Variants in NAF1 observed in about 807,000 individuals in gnomAD.
NAF1 encodes nuclear assembly factor 1 ribonucleoprotein.
A neutral mutation model predicts 40.6 loss-of-function variants in NAF1; 11 were observed. The ratio of observed to expected loss-of-function variants is 0.27; its 90% CI spans 0.17 to 0.45. NAF1 has a LOEUF of 0.45. Among genes scored for constraint, NAF1 ranks in the 20% least tolerant of loss-of-function variants. The pLI is 1.00. For synonymous variants in NAF1, 260 were observed against 228.5 expected, an observed-to-expected ratio of 1.14 and a Z score of -1.24; for missense variants, 607 against 611.1, an observed-to-expected ratio of 0.99 and a Z score of 0.07.
downstream of NAF1, among the ~76,000 whole-genome samples, chr4:163,106,324 T>C (rs535334483): frequency 1.3e-5 from 2 of 152,324 alleles, no homozygotes; most frequent in African/African-American, 4.8e-5. Flanking sequence ...ACCAATATGG[T>C]AATGCACTAG....
rs772306842 is a variant in NAF1 at position 163,166,468 on chromosome 4, G to A, written c.260C>T (p.Ala87Val). 8.1e-6 allele frequency: 13 copies of A among 1,604,088 alleles called. No homozygotes were observed. The highest frequency in any genetic ancestry group is 1.0e-5 in the Non-Finnish European group (12 of 1,175,394). ...GTPAPQPQPP[A>V]ESPACGDCVT... is the part of the protein sequence containing the mutation. ...GCAGTCTCCGCAGGCCGGCGATTCA[G>A]CCGGTGGCTGTGGCTGCGGCGCCGG... The change falls in exon 1 of 8, where the codon GCT becomes GTT. Residue 87 changes from alanine to valine, a missense_variant. By Grantham distance (64) the Ala-to-Val change is moderately conservative. Transcript: ENST00000274054.
chr4:163,138,219 A>G (rs1731130044), intron 5 of NAF1, among the ~76,000 whole-genome samples: 1 of 152,110 alleles, frequency 6.6e-6, no homozygotes, highest in Admixed American at 6.5e-5. Context: ...TTTGCTTTAA[A>G]TTTTTGATTC....
chr4:163,133,071 T>C lies in NAF1; in HGVS notation c.1033+83A>G, dbSNP rs1422760258. ...AGGAGGTAAACAGAGAGAACCCAGA[T>C]GTTTCCTTCAGTTTTATTATTGATA... On this transcript the variant is annotated intron_variant, in intron 7 of 7. Coordinates refer to ENST00000274054, the MANE Select transcript of NAF1 (RefSeq NM_138386.3). 5.2e-6 allele frequency: 6 copies of C among 1,143,150 alleles called. No homozygotes were observed. The South Asian group carries it at 8.3e-5, about 16-fold the overall frequency. 70.8% of individuals were successfully genotyped at this position (1,143,150 alleles called of 1,614,324 possible).
At chr4:163,112,719 G>A (rs1170273884) in intron 2 of NAF1, among the ~76,000 whole-genome samples, 3 of 152,204 alleles carry the variant, frequency 2.0e-5, no homozygotes, top group African/African-American at 4.8e-5. Context: ...GAAGAGGGAT[G>A]TGGATGATAC....
chr4:163,159,073 G>A (rs929143022), intron 2 of NAF1, among the ~76,000 whole-genome samples: 2 of 152,038 alleles, frequency 1.3e-5, no homozygotes, highest in African/African-American at 4.8e-5. Flanking sequence ...AACTACTGAG[G>A]AATGGGGGAA....
chr4:163,115,924 A>G (rs556955064), intron 2 of NAF1, among the ~76,000 whole-genome samples: 84 of 152,232 alleles, frequency 5.5e-4, no homozygotes, highest in Non-Finnish European at 1.0e-3. Flanking sequence ...CACAATTTTA[A>G]AAGTAAAACA....
At chr4:163,108,243 T>A (rs1023837628), downstream of NAF1, among the ~76,000 whole-genome samples, 54 of 152,166 alleles carry the variant, frequency 3.5e-4, 2 homozygotes, top group Non-Finnish European at 1.3e-4. Flanking sequence ...TAATTGCTTA[T>A]AGGCAGGGAA....
chr4:163,126,809 C>A, downstream of NAF1: 1 of 907,094 alleles, frequency 1.1e-6, no homozygotes, highest in Non-Finnish European at 1.5e-6. Context: ...GAAACTGCCA[C>A]TTTTAGCAAC....
chr4:163,104,995 A>C, the NAF1 span, among the ~76,000 whole-genome samples: 5 of 152,248 alleles, frequency 3.3e-5, no homozygotes, highest in African/African-American at 1.2e-4. Context: ...TATTAGACTC[A>C]GTACAAATCT....
At chr4:163,148,203 T>C (rs1035518959) in intron 3 of NAF1, 138 bp downstream of exon 3, 3 of 420,204 alleles carry the variant, frequency 7.1e-6, no homozygotes, top group Non-Finnish European at 1.3e-5. Flanking sequence ...AACTGAATTT[T>C]ATCCCTTCAA....
chr4:163,116,861 C>G (rs545018821), intron 2 of NAF1, among the ~76,000 whole-genome samples: 1 of 152,150 alleles, frequency 6.6e-6, no homozygotes, highest in African/African-American at 2.4e-5. Context: ...ATCAATAAAG[C>G]CAAGAGTCAT....
chr4:163,151,730 A>G (rs936348807), intron 2 of NAF1, among the ~76,000 whole-genome samples: 7 of 152,126 alleles, frequency 4.6e-5, no homozygotes, highest in African/African-American at 1.7e-4. Flanking sequence ...CTGTTCTCAC[A>G]TATTTATCTC....
intron 2 of NAF1, among the ~76,000 whole-genome samples, chr4:163,163,731 T>C (rs974378126): frequency 3.3e-5 from 5 of 152,070 alleles, no homozygotes; most frequent in Admixed American, 1.3e-4. Flanking sequence ...AAAACTTCAA[T>C]AGGAATCCTA....
chr4:163,156,958 T>G (rs1042277630), intron 2 of NAF1: 1 of 152,038 alleles, frequency 6.6e-6, no homozygotes, highest in African/African-American at 2.4e-5. Context: ...CAGCAAAAAG[T>G]TTTTCTGGAC....
chr4:163,120,339 C>T (rs564645283), intron 2 of NAF1, among the ~76,000 whole-genome samples: 5 of 152,316 alleles, frequency 3.3e-5, no homozygotes, highest in Admixed American at 2.0e-4. Context: ...CTATCTATTA[C>T]GTTTTAATAG....
intron 2 of NAF1, among the ~76,000 whole-genome samples, chr4:163,120,734 T>C (rs1262855624): frequency 6.6e-6 from 1 of 152,178 alleles, no homozygotes; most frequent in Non-Finnish European, 1.5e-5. Context: ...CTTATTTTCA[T>C]TATTAAGTAT....
intron 2 of NAF1, chr4:163,110,351 G>C (rs147740000): frequency 2.9e-6 from 2 of 686,054 alleles, no homozygotes; most frequent in South Asian, 3.1e-5. Flanking sequence ...TCACATAACT[G>C]TTACTACAAA....
At chr4:163,164,103 G>A in intron 2 of NAF1, 114 bp downstream of exon 2, 3 of 1,295,140 alleles carry the variant, frequency 2.3e-6, no homozygotes, top group Non-Finnish European at 3.0e-6. Flanking sequence ...ATGCCTATTA[G>A]GCTGAGAATA....
Position 163,129,050 on chromosome 4 carries a change from G to T in NAF1, c.1332C>A (p.Pro444=). 1 of 1,536,242 alleles carries T rather than the reference G, an allele frequency of 6.5e-7. No individual in the cohort carries two copies. The highest frequency in any genetic ancestry group is 8.8e-7 in the Non-Finnish European group (1 of 1,136,424). ...TAGCCCAACCCATGTTTACAGGTGG[G>T]GGTGGTGGTGGGGGTGGAGGGCGGA... ...FPLRPPPPPP[P]PPVNMGWATP... is the part of the protein sequence containing the mutation. The change falls in exon 8 of 8, where the codon CCC becomes CCA. Residue 444 remains proline, a synonymous_variant. Transcript: ENST00000274054.
Sources: allele counts gnomAD v4.1 joint callset (sites outside exome capture counted in the v4.1 genomes callset), GRCh38; gene constraint gnomAD v4.1.1; transcripts MANE v1.5; gene names NCBI Gene and HGNC (gene_info 2026-07-23, HGNC 2026-07-21).